The following ALDH1A2 variants were observed in gnomAD, a reference collection of about 807,000 sequenced individuals.
The protein encoded by ALDH1A2 is aldehyde dehydrogenase 1 family member A2.
In ALDH1A2, 27 loss-of-function variants were observed where a neutral mutation model predicts 60.3. The observed-to-expected ratio is 0.45, with a 90% CI of 0.33 to 0.62. The LOEUF (loss-of-function observed/expected upper bound fraction) is 0.62, where lower values mean the gene tolerates loss of function less well. Among genes scored for constraint, ALDH1A2 ranks in the 20% least tolerant of loss-of-function variants. The pLI, the probability that ALDH1A2 is intolerant of heterozygous loss-of-function variation, is 0.02. For synonymous variants in ALDH1A2, 289 were observed against 232.4 expected, an observed-to-expected ratio of 1.24 and a Z score of -2.21; for missense variants, 581 against 643.8, an observed-to-expected ratio of 0.90 and a Z score of 1.06.
At chr15:57,960,955 G>C in intron 11 of ALDH1A2, 111 bp from the exon 12 acceptor site, 4 of 1,347,342 alleles carry the variant, frequency 3.0e-6, no homozygotes, top group Non-Finnish European at 4.1e-6. Flanking sequence ...TCCTCCAGAG[G>C]AAAAAATTGT....
intron 7 of ALDH1A2, among the ~76,000 whole-genome samples, chr15:57,986,397 T>C (rs1315413582): frequency 6.6e-6 from 1 of 151,776 alleles, no homozygotes; most frequent in Non-Finnish European, 1.5e-5. Context: ...AATAAACTAG[T>C]CTTAACAAAG....
intron 4 of ALDH1A2, among the ~76,000 whole-genome samples, chr15:58,005,116 A>G (rs1224910040): frequency 2.6e-5 from 4 of 151,832 alleles, no homozygotes; most frequent in Non-Finnish European, 4.4e-5. Flanking sequence ...TTATACTTTT[A>G]GATCCACTAA....
chr15:57,961,185 A>G lies in ALDH1A2; in HGVS notation c.1361T>C (p.Ile454Thr). Residue 454 changes from isoleucine (I) to threonine (T), a missense_variant, in exon 11 of 13, where the codon ATC becomes ACC. Coordinates refer to ENST00000249750, the MANE Select transcript of ALDH1A2 (RefSeq NM_003888.4). ...AGAAGACACTGTGAGGGCCTTGTTG[A>G]TGTCATTAGTAAAGACAGCTGCTAC... Reference protein sequence around the residue: ...GLVAAVFTNDINKALTVSSAM... With the variant: ...GLVAAVFTNDTNKALTVSSAM... 1 of 1,614,162 alleles carries G rather than the reference A, an allele frequency of 6.2e-7. No individual in the cohort carries two copies. The highest frequency in any genetic ancestry group is 8.5e-7 in the Non-Finnish European group (1 of 1,180,006).
In ALDH1A2 at chr15:57,995,112, T is replaced by A; in HGVS notation, c.521A>T (p.His174Leu). The A allele has an allele frequency of 1.2e-6, 2 of 1,612,294 alleles. No homozygotes were observed. Among genetic ancestry groups the A allele is most frequent in the Non-Finnish European group, 1.7e-6 (2 of 1,179,422 alleles). Reference sequence around the variant, plus strand: ...CTGTCCACACACTCCAATGGGTTCATGTCTTGTAAAGGTAAAATAGTCTCC... The same window carrying A: ...CTGTCCACACACTCCAATGGGTTCAAGTCTTGTAAAGGTAAAATAGTCTCC... ...VDGDYFTFTR[H>L]EPIGVCGQII... Residue 174 changes from histidine to leucine, a missense_variant, in exon 5 of 13, where the codon CAT becomes CTT. This residue lies in a region of ALDH1A2 where 375 missense variants were observed against 469.7 expected (regional missense o/e 0.80). Transcript: ENST00000249750.
At chr15:57,987,481 A>C (rs1177184653) in intron 7 of ALDH1A2, among the ~76,000 whole-genome samples, 1 of 152,226 alleles carries the variant, frequency 6.6e-6, no homozygotes, top group Non-Finnish European at 1.5e-5. Flanking sequence ...CAGAAACAGT[A>C]AAGTCAGAAA....
At chr15:57,994,312 C>A (rs1894983715) in intron 5 of ALDH1A2, among the ~76,000 whole-genome samples, 1 of 152,178 alleles carries the variant, frequency 6.6e-6, no homozygotes, top group African/African-American at 2.4e-5. Flanking sequence ...ATATCTTCCC[C>A]ACATCTTTGG....
At chr15:58,004,512 G>C (rs1200699240) in intron 4 of ALDH1A2, among the ~76,000 whole-genome samples, 3 of 151,488 alleles carry the variant, frequency 2.0e-5, no homozygotes, top group East Asian at 3.9e-4. Flanking sequence ...ATGTGTATTA[G>C]GTCTCTCCGT....
intron 8 of ALDH1A2, chr15:57,964,894 C>T (rs1379336672): frequency 6.6e-6 from 1 of 152,138 alleles, no homozygotes; most frequent in African/African-American, 2.4e-5. Context: ...TAATATAAAG[C>T]TAAAGCTGAA....
At chr15:58,042,133 T>C (rs975317506) in intron 1 of ALDH1A2, among the ~76,000 whole-genome samples, 1 of 151,938 alleles carries the variant, frequency 6.6e-6, no homozygotes, top group Non-Finnish European at 1.5e-5. Context: ...TTTCTAAACA[T>C]GACATGAACT....
intron 7 of ALDH1A2, among the ~76,000 whole-genome samples, chr15:57,974,164 G>A (rs779296705): frequency 2.0e-5 from 3 of 152,110 alleles, no homozygotes; most frequent in Admixed American, 6.5e-5. Flanking sequence ...ATATAGGGCC[G>A]GGCGCAGTGG....
intron 1 of ALDH1A2, among the ~76,000 whole-genome samples, chr15:58,041,263 G>A (rs1379087358): frequency 2.0e-5 from 3 of 151,814 alleles, no homozygotes; most frequent in African/African-American, 4.8e-5. Flanking sequence ...AAATAACACT[G>A]TGTTTTCCAT....
At position 58,041,351 on chromosome 15, in the gene ALDH1A2, T is replaced by C. The variant is rs529537771; in HGVS notation, c.117+24183A>G. 3.3e-5 allele frequency among the ~76,000 whole-genome samples: 5 copies of C among 152,106 alleles called. No homozygotes were observed. The East Asian group carries it at 9.7e-4, about 30-fold the overall frequency. ...ACCAGAGAATTTGCACAGACCAGTG[T>C]GTTACATGCGCCATAAAATGAGGAG... On this transcript the variant is annotated intron_variant, in intron 1 of 12. Coordinates refer to ENST00000249750, the MANE Select transcript of ALDH1A2 (RefSeq NM_003888.4).
At chr15:57,995,812 A>C (rs1167184823) in intron 4 of ALDH1A2, among the ~76,000 whole-genome samples, 1 of 152,146 alleles carries the variant, frequency 6.6e-6, no homozygotes, top group Non-Finnish European at 1.5e-5. Flanking sequence ...CTTCAGAAAA[A>C]CTTAATAACC....
intron 4 of ALDH1A2, among the ~76,000 whole-genome samples, chr15:57,997,821 G>A (rs1229686728): frequency 6.6e-6 from 1 of 151,946 alleles, no homozygotes; most frequent in Non-Finnish European, 1.5e-5. Context: ...TCACATATTT[G>A]AAAAGCATTT....
chr15:57,983,089 A>T (rs1332375867), intron 7 of ALDH1A2, among the ~76,000 whole-genome samples: 1 of 152,232 alleles, frequency 6.6e-6, no homozygotes, highest in East Asian at 1.9e-4. Context: ...TTCAAAAAAA[A>T]TCTGCAGCTC....
intron 1 of ALDH1A2, among the ~76,000 whole-genome samples, chr15:58,042,419 T>C (rs1029604678): frequency 2.0e-5 from 3 of 151,970 alleles, no homozygotes; most frequent in Non-Finnish European, 4.4e-5. Flanking sequence ...AACCAACATC[T>C]ACATAAGGAA....
intron 4 of ALDH1A2, among the ~76,000 whole-genome samples, chr15:58,004,743 A>T (rs1371811660): frequency 2.0e-5 from 3 of 146,970 alleles, no homozygotes; most frequent in Non-Finnish European, 3.0e-5. Context: ...ATATATATAT[A>T]TTTTATCCAG....
chr15:57,979,320 GA>G lies in ALDH1A2; in HGVS notation c.798+13384del, dbSNP rs569726005. Among the ~76,000 whole-genome samples, 469 of 152,300 alleles carry G rather than the reference GA, an allele frequency of 3.1e-3. 3 individuals carry two copies. The highest frequency in any genetic ancestry group is 0.011 in the African/African-American group (449 of 41,558). On this transcript the variant is annotated intron_variant, in intron 7 of 12. Transcript: ENST00000249750. ...TATTTTTCTTTTGTTAATGCATCCT[GA>G]AACTTTTGCGGGTATAGAAACCACA...
intron 1 of ALDH1A2, among the ~76,000 whole-genome samples, chr15:58,049,713 G>A (rs941506655): frequency 1.3e-5 from 2 of 152,056 alleles, no homozygotes; most frequent in South Asian, 4.1e-4. Flanking sequence ...ATAGAGACAG[G>A]CTAATGCAGG....
Sources: allele counts gnomAD v4.1 joint callset (sites outside exome capture counted in the v4.1 genomes callset), GRCh38; gene constraint gnomAD v4.1.1; regional missense constraint gnomAD v4.1.1; transcripts MANE v1.5; gene names NCBI Gene and HGNC (gene_info 2026-07-23, HGNC 2026-07-21).